Variants in LRMDA observed in about 807,000 individuals in gnomAD.
LRMDA encodes leucine-rich melanocyte differentiation-associated protein.
In LRMDA, 18 loss-of-function variants were observed where a neutral mutation model predicts 29.8. The observed-to-expected ratio is 0.60, with a 90% CI of 0.42 to 0.90. LRMDA has a LOEUF of 0.90. Ranked by LOEUF, LRMDA falls within the 40% of genes least tolerant of loss-of-function variation. The pLI is 0.00. For synonymous variants in LRMDA, 125 were observed against 109.4 expected (o/e 1.14, Z -0.89); for missense variants, 273 against 273.9 (o/e 1.00, Z 0.02).
In LRMDA at chr10:76,177,626, A is replaced by T. The variant is rs1159126440; in HGVS notation, c.516+118843A>T. Reference sequence around the variant, plus strand: ...AAATGGCTCCTTTTTCTAAGTAGATAAAAAAAATCCTGCTTTGTCTTATTT... The same window carrying T: ...AAATGGCTCCTTTTTCTAAGTAGATTAAAAAAATCCTGCTTTGTCTTATTT... On this transcript the variant is annotated intron_variant, in intron 5 of 6. Transcript: ENST00000611255. Among the ~76,000 whole-genome samples the T allele has an allele frequency of 3.4e-5, 5 of 145,434 alleles. 1 individual carries two copies. Among genetic ancestry groups the T allele is most frequent in the South Asian group, 4.2e-4 (2 of 4,816 alleles).
At chr10:75,757,246 G>A (rs1332609077) in intron 2 of LRMDA, among the ~76,000 whole-genome samples, 1 of 152,100 alleles carries the variant, frequency 6.6e-6, no homozygotes, top group African/African-American at 2.4e-5. Context: ...CCATTCCCAG[G>A]GGCCTCAGGT....
intron 5 of LRMDA, among the ~76,000 whole-genome samples, chr10:76,149,305 A>T (rs1158950859): frequency 1.3e-5 from 2 of 152,244 alleles, no homozygotes; most frequent in Non-Finnish European, 2.9e-5. Flanking sequence ...AAGAGAAGTC[A>T]TTCTTACAGT....
At chr10:76,287,305 G>T (rs985265151) in intron 5 of LRMDA, among the ~76,000 whole-genome samples, 2 of 151,816 alleles carry the variant, frequency 1.3e-5, no homozygotes, top group African/African-American at 4.8e-5. Context: ...CATCCCATTT[G>T]TCAAGGGCCA....
At chr10:76,253,756 A>G (rs1352240317) in intron 5 of LRMDA, among the ~76,000 whole-genome samples, 1 of 152,136 alleles carries the variant, frequency 6.6e-6, no homozygotes, top group Non-Finnish European at 1.5e-5. Context: ...TATTAGTAAC[A>G]TTGTTTCCAT....
intron 2 of LRMDA, among the ~76,000 whole-genome samples, chr10:76,007,291 C>T (rs1351090843): frequency 1.3e-5 from 2 of 151,272 alleles, no homozygotes; most frequent in Non-Finnish European, 2.9e-5. Flanking sequence ...CTTCCCCATT[C>T]TCTCCTCTTG....
rs567810201 is a variant in LRMDA at position 75,918,586 on chromosome 10, C to T, written c.132-117422C>T. 3.4e-4 allele frequency among the ~76,000 whole-genome samples: 52 copies of T among 152,258 alleles called. 2 individuals are homozygous for T. The South Asian group carries it at 1.0e-2, about 29-fold the overall frequency. On this transcript the variant is annotated intron_variant, in intron 2 of 6. Transcript: ENST00000611255. ...TGATCCAATCACCTCCCACCAGACCCCACCTTTAATATTAGGGATTACGAT... is the reference window on the plus strand; with the variant it reads ...TGATCCAATCACCTCCCACCAGACCTCACCTTTAATATTAGGGATTACGAT...
intron 2 of LRMDA, chr10:75,552,598 A>G (rs1484250674): frequency 4.3e-6 from 2 of 462,942 alleles, no homozygotes; most frequent in Non-Finnish European, 4.5e-6. Context: ...AGGTTCTTTG[A>G]ACTGTGGTTT....
intron 5 of LRMDA, among the ~76,000 whole-genome samples, chr10:76,178,410 C>T (rs1278953261): frequency 6.6e-6 from 1 of 152,182 alleles, no homozygotes; most frequent in African/African-American, 2.4e-5. Flanking sequence ...TACATTAATC[C>T]TGTGGCATTT....
At chr10:76,418,209 C>G (rs988944085) in intron 6 of LRMDA, among the ~76,000 whole-genome samples, 2 of 151,936 alleles carry the variant, frequency 1.3e-5, no homozygotes, top group Non-Finnish European at 2.9e-5. Context: ...AATTTATAGG[C>G]CAATTTGTGA....
chr10:75,900,193 T>C (rs889023961), intron 2 of LRMDA, among the ~76,000 whole-genome samples: 3 of 152,224 alleles, frequency 2.0e-5, no homozygotes, highest in African/African-American at 7.2e-5. Flanking sequence ...GTATTTTGAA[T>C]AACTAATTGC....
At chr10:76,038,190 C>T (rs1410390387) in intron 3 of LRMDA, among the ~76,000 whole-genome samples, 1 of 152,146 alleles carries the variant, frequency 6.6e-6, no homozygotes, top group Admixed American at 6.5e-5. Context: ...AGCGGTGTGA[C>T]CTTGGACAAG....
At chr10:76,183,074 A>G (rs190160231) in intron 5 of LRMDA, among the ~76,000 whole-genome samples, 1 of 152,324 alleles carries the variant, frequency 6.6e-6, no homozygotes, top group East Asian at 1.9e-4. Context: ...ATCTTTAGGA[A>G]GGAGTCCCCT....
chr10:76,058,261 T>C (rs1848647314), intron 4 of LRMDA, among the ~76,000 whole-genome samples: 1 of 152,190 alleles, frequency 6.6e-6, no homozygotes, highest in South Asian at 2.1e-4. Flanking sequence ...AGATGACCCA[T>C]AGGAATGGCA....
intron 2 of LRMDA, among the ~76,000 whole-genome samples, chr10:75,944,150 C>T (rs1271602596): frequency 6.6e-6 from 1 of 152,054 alleles, no homozygotes; most frequent in African/African-American, 2.4e-5. Context: ...TTTATGTTGC[C>T]TTCATTTTCG....
At chr10:75,627,755 G>C (rs997572423) in intron 2 of LRMDA, among the ~76,000 whole-genome samples, 1 of 152,194 alleles carries the variant, frequency 6.6e-6, no homozygotes, top group Non-Finnish European at 1.5e-5. Flanking sequence ...CCTGCTATGG[G>C]CTTGCTTCCA....
intron 2 of LRMDA, among the ~76,000 whole-genome samples, chr10:75,649,526 T>C (rs917302383): frequency 1.3e-5 from 2 of 152,240 alleles, no homozygotes; most frequent in African/African-American, 4.8e-5. Flanking sequence ...TGCCACTATA[T>C]GTACATACCA....
intron 2 of LRMDA, among the ~76,000 whole-genome samples, chr10:75,746,215 A>G (rs1454626666): frequency 1.3e-5 from 2 of 152,184 alleles, no homozygotes; most frequent in Non-Finnish European, 2.9e-5. Flanking sequence ...CTCCACAAAC[A>G]TTAGTTAAGA....
intron 5 of LRMDA, among the ~76,000 whole-genome samples, chr10:76,320,093 G>C (rs958026526): frequency 1.3e-5 from 2 of 152,118 alleles, no homozygotes; most frequent in African/African-American, 4.8e-5. Flanking sequence ...TATCAGTTTT[G>C]GTAATCACCG....
chr10:76,124,054 A>G (rs911125702), intron 5 of LRMDA, among the ~76,000 whole-genome samples: 2 of 151,640 alleles, frequency 1.3e-5, no homozygotes, highest in African/African-American at 4.9e-5. Context: ...ACCTTGTCTC[A>G]TTTCCGCCTT....
Sources: gnomAD v4.1 joint callset for allele counts (sites outside exome capture counted in the v4.1 genomes callset) on GRCh38, gnomAD v4.1.1 for gene constraint, MANE v1.5 for transcripts, NCBI Gene and HGNC (gene_info 2026-07-23, HGNC 2026-07-21) for gene names.